Variants in SLC39A11 observed in about 807,000 individuals in gnomAD.
SLC39A11 encodes the protein zinc transporter ZIP11.
A neutral mutation model predicts 36.1 loss-of-function variants in SLC39A11; 33 were observed. That is an observed-to-expected ratio of 0.91 (90% confidence interval 0.69 to 1.22). The LOEUF (loss-of-function observed/expected upper bound fraction) is 1.22, where lower values mean the gene tolerates loss of function less well. Among genes scored for constraint, SLC39A11 ranks in the 50% most tolerant of loss-of-function variants. SLC39A11 has a pLI of 0.00. For missense variants in SLC39A11, 432 were observed against 430.3 expected (o/e 1.00, Z -0.03); for synonymous variants, 166 against 170.3 (o/e 0.97, Z 0.20).
At chr17:73,082,646 C>T (rs533689411) in intron 3 of SLC39A11, among the ~76,000 whole-genome samples, 4 of 152,238 alleles carry the variant, frequency 2.6e-5, no homozygotes, top group Non-Finnish European at 4.4e-5. Flanking sequence ...TGGAAAATTA[C>T]TTTCAAGGAC....
intron 4 of SLC39A11, among the ~76,000 whole-genome samples, chr17:73,018,544 T>C (rs893424677): frequency 1.3e-5 from 2 of 150,642 alleles, no homozygotes; most frequent in Non-Finnish European, 3.0e-5. Context: ...CAAGACTCCA[T>C]AACAAAAAAA....
intron 4 of SLC39A11, among the ~76,000 whole-genome samples, chr17:72,990,628 A>G (rs2089105224): frequency 6.6e-6 from 1 of 152,088 alleles, no homozygotes; most frequent in African/African-American, 2.4e-5. Flanking sequence ...GGGTTTCACC[A>G]TGTTGGCCAG....
intron 7 of SLC39A11, among the ~76,000 whole-genome samples, chr17:72,680,950 T>TGG (rs2071486504): frequency 6.6e-6 from 1 of 152,202 alleles, no homozygotes; most frequent in African/African-American, 2.4e-5. Context: ...GTTTCTTTGT[T>TGG]TGTTTTTTTG....
At chr17:72,892,288 T>C (rs1391044573) in intron 5 of SLC39A11, among the ~76,000 whole-genome samples, 1 of 151,408 alleles carries the variant, frequency 6.6e-6, no homozygotes, top group Non-Finnish European at 1.5e-5. Flanking sequence ...CGCATACCTG[T>C]AATCCCAGCT....
chr17:72,647,656 A>G lies in SLC39A11; in HGVS notation c.936T>C (p.Asn312=). 1 of 1,613,832 alleles carries G rather than the reference A, an allele frequency of 6.2e-7. No homozygotes were observed. Among genetic ancestry groups the G allele is most frequent in the South Asian group, 1.1e-5 (1 of 91,044 alleles). The change falls in exon 10 of 10, where the codon AAT becomes AAC. Residue 312 remains asparagine, a synonymous_variant. Transcript: ENST00000255559. ...DIIPEAQISG[N]GKLASWASIL... ...TGGAGGCCCAGGATGCCAGTTTCCCATTACCACTGGAAGAGAAGGACAGGA... is the reference window on the plus strand; with the variant it reads ...TGGAGGCCCAGGATGCCAGTTTCCCGTTACCACTGGAAGAGAAGGACAGGA...
At chr17:72,661,063 C>T (rs994975754) in intron 7 of SLC39A11, among the ~76,000 whole-genome samples, 1 of 152,214 alleles carries the variant, frequency 6.6e-6, no homozygotes, top group Non-Finnish European at 1.5e-5. Context: ...TTTCTAGCCT[C>T]AGTGGAGTGC....
intron 4 of SLC39A11, among the ~76,000 whole-genome samples, chr17:72,995,044 G>A (rs2089422565): frequency 6.6e-6 from 1 of 152,126 alleles, no homozygotes; most frequent in Non-Finnish European, 1.5e-5. Flanking sequence ...CTTCAACCTG[G>A]ACAGAGAGTT....
rs183105074 is a variant in SLC39A11 at position 73,071,924 on chromosome 17, G to A, written c.147+12884C>T. On this transcript the variant is annotated intron_variant, in intron 3 of 9. Transcript: ENST00000255559. ...TCACTTCTTCAAACCCCTGGCACTC[G>A]GCACAGTGACTGCAATAGAGCAAGT... 3.2e-3 allele frequency among the ~76,000 whole-genome samples: 494 copies of A among 152,176 alleles called. 1 individual carries two copies. The highest frequency in any genetic ancestry group is 0.021 in the South Asian group (99 of 4,818).
At chr17:72,827,237 C>T (rs997454624) in intron 6 of SLC39A11, among the ~76,000 whole-genome samples, 1 of 152,154 alleles carries the variant, frequency 6.6e-6, no homozygotes, top group Non-Finnish European at 1.5e-5. Context: ...CAGTCAGATA[C>T]AACAGGCCAC....
intron 3 of SLC39A11, among the ~76,000 whole-genome samples, chr17:73,053,232 T>C (rs1029913546): frequency 9.0e-6 from 1 of 111,690 alleles, no homozygotes; most frequent in African/African-American, 3.2e-5. Context: ...TATGAGCCCA[T>C]TTGATTTTCT....
At chr17:72,719,364 T>C (rs1226872197) in intron 7 of SLC39A11, among the ~76,000 whole-genome samples, 1 of 152,154 alleles carries the variant, frequency 6.6e-6, no homozygotes, top group African/African-American at 2.4e-5. Context: ...GAGCAATGCA[T>C]GTAAGCAGCA....
chr17:72,694,594 T>C (rs2072199705), intron 7 of SLC39A11, among the ~76,000 whole-genome samples: 2 of 152,180 alleles, frequency 1.3e-5, no homozygotes, highest in Non-Finnish European at 2.9e-5. Flanking sequence ...TCCTTTTGGG[T>C]CACCTCCAGT....
intron 6 of SLC39A11, among the ~76,000 whole-genome samples, chr17:72,772,090 CTCCTTCCCAGAG>C (rs749669352): frequency 4.5e-4 from 69 of 152,304 alleles, no homozygotes; most frequent in South Asian, 8.3e-4. Context: ...GGGGCTCTCC[CTCCTTCCCAGAG>C]TCCTTTCCAG....
At chr17:72,857,977 T>A (rs2079745778) in intron 5 of SLC39A11, among the ~76,000 whole-genome samples, 1 of 152,238 alleles carries the variant, frequency 6.6e-6, no homozygotes, top group Non-Finnish European at 1.5e-5. Flanking sequence ...CTCTTAAGTT[T>A]AATTAGATCC....
intron 5 of SLC39A11, among the ~76,000 whole-genome samples, chr17:72,900,154 A>AAAGG (rs2082288206): frequency 5.9e-5 from 1 of 16,838 alleles, no homozygotes; most frequent in South Asian, 1.6e-3. Context: ...GAAAGAAAGA[A>AAAGG]AAGAAAGAAA....
chr17:72,659,574 C>CTTTTTT (rs34383683), intron 7 of SLC39A11, among the ~76,000 whole-genome samples: 8 of 61,172 alleles, frequency 1.3e-4, no homozygotes, highest in Admixed American at 2.9e-4. Context: ...CTCTGTGACT[C>CTTTTTT]TTTTTTTTTT....
chr17:73,082,107 T>A (rs1250212210), intron 3 of SLC39A11, among the ~76,000 whole-genome samples: 6 of 65,858 alleles, frequency 9.1e-5, no homozygotes, highest in South Asian at 5.5e-4. Flanking sequence ...CCCCAAAACC[T>A]ACTGAAACTA....
chr17:73,044,450 A>G (rs1166009530), intron 3 of SLC39A11, among the ~76,000 whole-genome samples: 1 of 152,252 alleles, frequency 6.6e-6, no homozygotes, highest in Non-Finnish European at 1.5e-5. Flanking sequence ...AACAAAAACT[A>G]TATGGATACT....
intron 6 of SLC39A11, among the ~76,000 whole-genome samples, chr17:72,814,972 C>A (rs2077537153): frequency 1.3e-5 from 2 of 152,140 alleles, no homozygotes; most frequent in African/African-American, 4.8e-5. Context: ...TTCCTTCAAT[C>A]CTAAGGAATT....
Sources: gnomAD v4.1 joint callset for allele counts (sites outside exome capture counted in the v4.1 genomes callset) on GRCh38, gnomAD v4.1.1 for gene constraint, MANE v1.5 for transcripts, NCBI Gene and HGNC (gene_info 2026-07-23, HGNC 2026-07-21) for gene names.